TSHZ2: variants seen among roughly 807,000 people sequenced by gnomAD.
TSHZ2 encodes teashirt zinc finger homeobox 2.
A neutral mutation model predicts 74.4 loss-of-function variants in TSHZ2; 21 were observed. That is an observed-to-expected ratio of 0.28 (90% CI 0.20 to 0.41). The LOEUF (loss-of-function observed/expected upper bound fraction) is 0.41. Among genes scored for constraint, TSHZ2 ranks in the 10% least tolerant of loss-of-function variants. TSHZ2 has a pLI of 1.00. For synonymous variants in TSHZ2, 540 were observed against 515.3 expected (o/e 1.05, Z -0.65); for missense variants, 1,244 against 1,293.5 (o/e 0.96, Z 0.59).
chr20:53,207,417 G>A (rs1032065415), intron 1 of TSHZ2, among the ~76,000 whole-genome samples: 1 of 152,138 alleles, frequency 6.6e-6, no homozygotes, highest in Non-Finnish European at 1.5e-5. Context: ...GTGTTCTGAA[G>A]CCCTGAAGTT....
At chr20:53,029,705 G>C (rs1031137351) in intron 1 of TSHZ2, among the ~76,000 whole-genome samples, 2 of 152,156 alleles carry the variant, frequency 1.3e-5, no homozygotes, top group Admixed American at 6.6e-5. Context: ...ATAAACCACA[G>C]TTATGCAATT....
intron 1 of TSHZ2, among the ~76,000 whole-genome samples, chr20:53,222,416 AC>A (rs1251373621): frequency 6.6e-6 from 1 of 152,322 alleles, no homozygotes; most frequent in East Asian, 1.9e-4. Flanking sequence ...CAGTTAATCG[AC>A]AAAGATTTAT....
intron 2 of TSHZ2, among the ~76,000 whole-genome samples, chr20:53,368,591 G>A (rs1291720933): frequency 2.6e-5 from 4 of 152,162 alleles, no homozygotes; most frequent in Admixed American, 6.5e-5. Flanking sequence ...GATTACAGGC[G>A]TGAGCCTGTG....
At chr20:53,121,967 A>G (rs528869635) in intron 1 of TSHZ2, among the ~76,000 whole-genome samples, 1 of 152,134 alleles carries the variant, frequency 6.6e-6, no homozygotes, top group Admixed American at 6.5e-5. Flanking sequence ...TTTCTTACCA[A>G]TATTGATAGT....
intron 2 of TSHZ2, among the ~76,000 whole-genome samples, chr20:53,454,178 G>A (rs1984947084): frequency 6.6e-6 from 1 of 152,120 alleles, no homozygotes; most frequent in Non-Finnish European, 1.5e-5. Context: ...TAGACTTAGA[G>A]GACCCTTGGT....
At chr20:53,110,596 A>G (rs1986504369) in intron 1 of TSHZ2, among the ~76,000 whole-genome samples, 1 of 152,210 alleles carries the variant, frequency 6.6e-6, no homozygotes, top group African/African-American at 2.4e-5. Context: ...GTGATCAACA[A>G]GGAAGGCAGG....
At chr20:53,138,447 C>T (rs1456152146) in intron 1 of TSHZ2, among the ~76,000 whole-genome samples, 4 of 151,834 alleles carry the variant, frequency 2.6e-5, no homozygotes, top group African/African-American at 4.8e-5. Flanking sequence ...AGCAAATAGT[C>T]ACCTTAAGGT....
At chr20:53,374,134 T>G (rs1981576104) in intron 2 of TSHZ2, among the ~76,000 whole-genome samples, 1 of 152,180 alleles carries the variant, frequency 6.6e-6, no homozygotes, top group African/African-American at 2.4e-5. Flanking sequence ...TTTTGCATCC[T>G]CACCCTCCTC....
chr20:53,440,874 T>C (rs1414780224), intron 2 of TSHZ2, among the ~76,000 whole-genome samples: 1 of 152,232 alleles, frequency 6.6e-6, no homozygotes, highest in Non-Finnish European at 1.5e-5. Flanking sequence ...GACCAGCAAG[T>C]GCAAAGGCCC....
intron 1 of TSHZ2, among the ~76,000 whole-genome samples, chr20:53,198,821 G>A (rs2123566688): frequency 6.6e-6 from 1 of 152,226 alleles, no homozygotes; most frequent in African/African-American, 2.4e-5. Context: ...GGCATGTTAA[G>A]GCTTGAACTT....
intron 2 of TSHZ2, among the ~76,000 whole-genome samples, chr20:53,461,876 A>C (rs1985384594): frequency 6.6e-6 from 1 of 151,984 alleles, no homozygotes; most frequent in African/African-American, 2.4e-5. Context: ...ACTCTTTTTG[A>C]AACATCTAGG....
intron 2 of TSHZ2, among the ~76,000 whole-genome samples, chr20:53,338,160 A>G (rs189457145): frequency 2.9e-4 from 44 of 152,356 alleles, no homozygotes; most frequent in Middle Eastern, 3.4e-3. Flanking sequence ...CCATGAGGTT[A>G]TTGTTACTAT....
chr20:53,406,290 C>G (rs942941272), intron 2 of TSHZ2, among the ~76,000 whole-genome samples: 3 of 152,158 alleles, frequency 2.0e-5, no homozygotes, highest in Non-Finnish European at 4.4e-5. Flanking sequence ...GTAGACTCTC[C>G]GGGCTGCCAA....
Position 53,328,369 on chromosome 20 carries a change from G to A in TSHZ2, c.*8+71798G>A, listed in dbSNP as rs1201499503. On this transcript the variant is annotated intron_variant, in intron 2 of 2. Transcript: ENST00000371497. The stretch of plus-strand genomic sequence containing the variant: ...GCAGGATATGTATAAATCCAACTCT[G>A]TTTGTAAGTAGTTGGAATCTCAGCA... Among the ~76,000 whole-genome samples, 3 of 152,128 alleles carry A rather than the reference G, an allele frequency of 2.0e-5. No homozygotes were observed. The South Asian group carries it at 6.2e-4, about 31-fold the overall frequency.
At position 53,168,322 on chromosome 20, in the gene TSHZ2, T is replaced by C. The variant is rs183337901; in HGVS notation, c.41-85177T>C. ...AAATGACTCCAGACATTGTTCTATG[T>C]CCCCTAGGAGCCAACCTCCCCACCT... On this transcript the variant is annotated intron_variant, in intron 1 of 2. Transcript: ENST00000371497. Among the ~76,000 whole-genome samples the C allele has an allele frequency of 1.5e-4, 23 of 152,278 alleles. No homozygotes were observed. In the East Asian group the frequency reaches 3.7e-3, roughly 24 times the overall value.
intron 1 of TSHZ2, among the ~76,000 whole-genome samples, chr20:53,023,437 C>A (rs959905732): frequency 6.6e-6 from 1 of 152,122 alleles, no homozygotes; most frequent in East Asian, 1.9e-4. Flanking sequence ...TAGTTCTTTC[C>A]TAGGTATGTG....
rs560367672 is a variant in TSHZ2, at chr20:53,166,630, G to A, written c.41-86869G>A. 3.6e-4 allele frequency among the ~76,000 whole-genome samples: 55 copies of A among 152,152 alleles called. No homozygotes were observed. In the South Asian group the frequency reaches 4.6e-3, roughly 13 times the overall value. ...TAATAAAAATACAAAAATTAGTCAG[G>A]CATGGTGGCACATGCCTGTAGTCCT... is the stretch of plus-strand genomic sequence containing the variant. On this transcript the variant is annotated intron_variant, in intron 1 of 2. Coordinates refer to ENST00000371497, the MANE Select transcript of TSHZ2 (RefSeq NM_173485.6).
intron 2 of TSHZ2, among the ~76,000 whole-genome samples, chr20:53,477,971 C>A (rs1410867983): frequency 7.0e-6 from 1 of 143,806 alleles, no homozygotes; most frequent in Non-Finnish European, 1.5e-5. Context: ...GATACTATCT[C>A]ACACTAGTTA....
chr20:53,158,113 G>A (rs1404607128), intron 1 of TSHZ2, among the ~76,000 whole-genome samples: 1 of 152,184 alleles, frequency 6.6e-6, no homozygotes, highest in African/African-American at 2.4e-5. Context: ...GGGCCGTGGA[G>A]GGAACAGTGT....
Sources: allele counts gnomAD v4.1 joint callset (sites outside exome capture counted in the v4.1 genomes callset), GRCh38; gene constraint gnomAD v4.1.1; transcripts MANE v1.5; gene names NCBI Gene and HGNC (gene_info 2026-07-23, HGNC 2026-07-21).